TRPM3: variants seen among roughly 807,000 people sequenced by gnomAD.
The protein encoded by TRPM3 is long transient receptor potential channel 3.
A neutral mutation model predicts 181.2 loss-of-function variants in TRPM3; 77 were observed. That is an observed-to-expected ratio of 0.42 (90% CI 0.35 to 0.51). The LOEUF is 0.51. TRPM3 is among the 20% of genes least tolerant of loss of function. The pLI, the probability that TRPM3 is intolerant of heterozygous loss-of-function variation, is 0.01. For missense variants in TRPM3, 1,759 were observed against 2,196.7 expected, an observed-to-expected ratio of 0.80 and a Z score of 3.98; for synonymous variants, 745 against 796.4, an observed-to-expected ratio of 0.94 and a Z score of 1.09.
intron 9 of TRPM3, among the ~76,000 whole-genome samples, chr9:70,680,297 GTTGAAATAAATAACGTTTACAGTAT>G (rs1287400672): frequency 6.6e-6 from 1 of 152,174 alleles, no homozygotes; most frequent in Non-Finnish European, 1.5e-5. Flanking sequence ...TCATTTGGTT[GTTGAAATAAATAACGTTTACAGTAT>G]TTGTAAAGAG....
chr9:70,582,973 A>G (rs951430278), intron 22 of TRPM3, among the ~76,000 whole-genome samples: 1 of 152,190 alleles, frequency 6.6e-6, no homozygotes, highest in East Asian at 1.9e-4. Flanking sequence ...GTTTTTACTT[A>G]CAAGATGGTT....
chr9:70,663,026 C>T (rs2061342440), intron 9 of TRPM3, among the ~76,000 whole-genome samples: 1 of 151,948 alleles, frequency 6.6e-6, no homozygotes, highest in Non-Finnish European at 1.5e-5. Flanking sequence ...AAAGAAAATG[C>T]AGTATATACA....
intron 1 of TRPM3, among the ~76,000 whole-genome samples, chr9:71,282,491 G>C (rs2084927667): frequency 6.6e-6 from 1 of 152,178 alleles, no homozygotes; most frequent in African/African-American, 2.4e-5. Flanking sequence ...TAAAAGGGTA[G>C]TGCTATTTTT....
At chr9:70,878,288 A>G (rs1275951155) in intron 1 of TRPM3, among the ~76,000 whole-genome samples, 1 of 152,120 alleles carries the variant, frequency 6.6e-6, no homozygotes, top group African/African-American at 2.4e-5. Flanking sequence ...AAACAGAAGC[A>G]TAGCTGTGGA....
chr9:71,144,878 T>TA (rs2075319793), intron 1 of TRPM3, among the ~76,000 whole-genome samples: 1 of 152,146 alleles, frequency 6.6e-6, no homozygotes, highest in African/African-American at 2.4e-5. Context: ...TATTATATCC[T>TA]AAAAATAAAT....
At chr9:70,988,587 T>C (rs1337432592) in intron 1 of TRPM3, among the ~76,000 whole-genome samples, 5 of 152,202 alleles carry the variant, frequency 3.3e-5, no homozygotes, top group Admixed American at 6.5e-5. Context: ...CAGTGATTAT[T>C]CAATGATGTG....
intron 1 of TRPM3, among the ~76,000 whole-genome samples, chr9:71,218,729 G>A (rs892978341): frequency 1.3e-5 from 2 of 152,132 alleles, no homozygotes; most frequent in Non-Finnish European, 2.9e-5. Context: ...TGCCTAAAGA[G>A]CAAAAATATT....
chr9:71,410,634 A>C (rs2093529041), intron 1 of TRPM3, among the ~76,000 whole-genome samples: 1 of 152,210 alleles, frequency 6.6e-6, no homozygotes, highest in Admixed American at 6.5e-5. Flanking sequence ...CCAACCAAAA[A>C]AAATCCAGGC....
intron 1 of TRPM3, among the ~76,000 whole-genome samples, chr9:71,347,803 A>G (rs1199509255): frequency 6.6e-6 from 1 of 152,048 alleles, no homozygotes; most frequent in Admixed American, 6.5e-5. Context: ...AATAATTTTA[A>G]TTAAAATTTT....
chr9:71,201,948 AT>A (rs2131734219), intron 1 of TRPM3, among the ~76,000 whole-genome samples: 1 of 151,996 alleles, frequency 6.6e-6, no homozygotes, highest in South Asian at 2.1e-4. Context: ...TTTTTTCCCC[AT>A]CTTTGTGGTT....
chr9:70,671,959 A>T lies in TRPM3; in HGVS notation c.1345+9547T>A, dbSNP rs564350313. 9.5e-4 allele frequency among the ~76,000 whole-genome samples: 141 copies of T among 149,116 alleles called. 1 individual carries two copies. Among genetic ancestry groups the T allele is most frequent in the African/African-American group, 3.2e-3 (130 of 40,402 alleles). On this transcript the variant is annotated intron_variant, in intron 9 of 25. Coordinates refer to ENST00000677713, the MANE Select transcript of TRPM3 (RefSeq NM_001366145.2). Reference sequence around the variant, plus strand: ...TTTTTTTTTTTTTTTAAGTAGAGACAGGGTTTCACCATGTTGGCCAGGCTG... The same window carrying T: ...TTTTTTTTTTTTTTTAAGTAGAGACTGGGTTTCACCATGTTGGCCAGGCTG...
At chr9:71,199,451 C>T (rs1285533900) in intron 1 of TRPM3, among the ~76,000 whole-genome samples, 1 of 152,102 alleles carries the variant, frequency 6.6e-6, no homozygotes, top group African/African-American at 2.4e-5. Context: ...AGGAATGGTA[C>T]CAGTTCCTCC....
At chr9:70,863,338 T>C (rs1312067197) in intron 2 of TRPM3, among the ~76,000 whole-genome samples, 9 of 152,132 alleles carry the variant, frequency 5.9e-5, no homozygotes, top group African/African-American at 2.2e-4. Flanking sequence ...GCTGTATAAG[T>C]TGTAATATGT....
In TRPM3 at chr9:70,625,110, T is replaced by C. The variant is rs12341748; in HGVS notation, c.1809+81A>G. ...CGCAATTTTCTGATTTTAATTCCCC[T>C]TGGAGACAAAGAAGCCACAACCCAA... On this transcript the variant is annotated intron_variant, in intron 14 of 25. Coordinates refer to ENST00000677713, the MANE Select transcript of TRPM3 (RefSeq NM_001366145.2). This position sits in a 1 kb window ranked among gnomAD's most constrained non-coding sequence, Gnocchi z 4.8. 0.031 allele frequency: 46,863 copies of C among 1,513,468 alleles called. 852 individuals are homozygous for C. The highest frequency in any genetic ancestry group is 0.049 in the South Asian group (3,897 of 80,218). 93.8% of individuals were successfully genotyped at this position (1,513,468 alleles called of 1,614,324 possible).
intron 1 of TRPM3, among the ~76,000 whole-genome samples, chr9:71,070,520 T>TA (rs1053717008): frequency 2.5e-4 from 38 of 151,798 alleles, no homozygotes; most frequent in Non-Finnish European, 3.8e-4. Flanking sequence ...TTTCCTTTTT[T>TA]AAAAAAAAAT....
rs1270286838 is a variant in TRPM3 at position 71,237,067 on chromosome 9, G to T, written c.183+209586C>A. ...ATCAAAAAAAAAAAAAAAAGGGGGG[G>T]GGAAAAAAAGAAAGGAAAGGGAAGG... On this transcript the variant is annotated intron_variant, in intron 1 of 24. Coordinates refer to the TRPM3 transcript ENST00000357533. Among the ~76,000 whole-genome samples, 53 of 140,548 alleles carry T rather than the reference G, an allele frequency of 3.8e-4. 1 individual carries two copies. Among genetic ancestry groups the T allele is most frequent in the Non-Finnish European group, 4.9e-4 (32 of 65,276 alleles). The allele number at this position is 140,548 out of a possible 152,430, so 92.2% of individuals were successfully genotyped here.
In TRPM3 at chr9:70,966,224, A is replaced by C. The variant is rs548390917; in HGVS notation, c.178-101713T>G. Among the ~76,000 whole-genome samples, 9 of 152,230 alleles carry C rather than the reference A, an allele frequency of 5.9e-5. No homozygotes were observed. The East Asian group carries it at 1.7e-3, about 29-fold the overall frequency. On this transcript the variant is annotated intron_variant, in intron 1 of 25. Coordinates refer to ENST00000677713, the MANE Select transcript of TRPM3 (RefSeq NM_001366145.2). The stretch of plus-strand genomic sequence containing the variant: ...TCTCACACCAGTCAGAATGGCTATT[A>C]TTAAAAAATCAAGAAATAACAGGTG...
intron 1 of TRPM3, among the ~76,000 whole-genome samples, chr9:71,207,461 A>G (rs1343624218): frequency 1.3e-5 from 2 of 152,134 alleles, no homozygotes; most frequent in East Asian, 1.9e-4. Flanking sequence ...CACAAACCAA[A>G]ATTAAAGAAC....
intron 3 of TRPM3, among the ~76,000 whole-genome samples, chr9:70,854,410 TA>T (rs1379031380): frequency 6.6e-6 from 1 of 152,164 alleles, no homozygotes; most frequent in Non-Finnish European, 1.5e-5. Flanking sequence ...CTGTGTGGAT[TA>T]AATTGTGGCA....
Sources: gnomAD v4.1 joint callset for allele counts (sites outside exome capture counted in the v4.1 genomes callset) on GRCh38, gnomAD v4.1.1 for gene constraint, Gnocchi (gnomAD v3.1) non-coding constraint, MANE v1.5 for transcripts, NCBI Gene and HGNC (gene_info 2026-07-23, HGNC 2026-07-21) for gene names.